MCC: variants seen among roughly 807,000 people sequenced by gnomAD.
The protein encoded by MCC is MCC regulator of Wnt signaling pathway, also known as colorectal mutant cancer protein.
A neutral mutation model predicts 116.2 loss-of-function variants in MCC; 90 were observed. That is an observed-to-expected ratio of 0.77 (90% confidence interval 0.65 to 0.92). The LOEUF (loss-of-function observed/expected upper bound fraction) is 0.92, where lower values mean the gene tolerates loss of function less well. Ranked by LOEUF, MCC falls within the 40% of genes least tolerant of loss-of-function variation. The probability of loss-of-function intolerance (pLI) is 0.00; values close to 1 mark genes in which losing one functional copy is unlikely to be tolerated. For synonymous variants in MCC, 578 were observed against 510.5 expected (o/e 1.13, Z -1.78); for missense variants, 1,516 against 1,312.2 (o/e 1.16, Z -2.40).
chr5:113,045,778 A>C (rs1032413597), intron 16 of MCC, among the ~76,000 whole-genome samples: 1 of 149,084 alleles, frequency 6.7e-6, no homozygotes, highest in African/African-American at 2.5e-5. Context: ...CAGCCTGGGC[A>C]ACAAGAGTGA....
chr5:113,139,476 C>T (rs1363820847), intron 5 of MCC, among the ~76,000 whole-genome samples: 1 of 152,102 alleles, frequency 6.6e-6, no homozygotes, highest in Non-Finnish European at 1.5e-5. Flanking sequence ...TAATCTCACA[C>T]ATGAATTAAT....
chr5:113,024,767 A>G lies in MCC; in HGVS notation c.*2535T>C, dbSNP rs1173133874. On this transcript the variant is annotated 3_prime_UTR_variant, in exon 19 of 19. Coordinates refer to ENST00000408903, the MANE Select transcript of MCC (RefSeq NM_001085377.2). ...TTTAATCAGTATAGTTTAGTTCAGT[A>G]GCTCCCACAATTAGCATAATCAAGT... 3 of 152,038 alleles carry G rather than the reference A, an allele frequency of 2.0e-5. No individual in the cohort carries two copies. Among genetic ancestry groups the G allele is most frequent in the Non-Finnish European group, 4.4e-5 (3 of 68,012 alleles). 9.4% of individuals were successfully genotyped at this position (152,038 alleles called of 1,614,324 possible). A position where few individuals can be genotyped will look rare whatever the true frequency, so the allele number is the denominator to read the frequency against.
intron 6 of MCC, among the ~76,000 whole-genome samples, chr5:113,117,180 C>T (rs1269205601): frequency 1.3e-5 from 2 of 152,184 alleles, no homozygotes; most frequent in Non-Finnish European, 2.9e-5. Context: ...CTTTCCCTGC[C>T]CCGACCCTCT....
At position 113,068,112 on chromosome 5, in the gene MCC, T is replaced by A; in HGVS notation, c.1997A>T (p.Gln666Leu). The change falls in exon 13 of 19, where the codon CAG becomes CTG. Residue 666 changes from glutamine to leucine, a missense_variant. Physicochemically the swap from Gln to Leu is moderately radical, Grantham distance 113 (BLOSUM62 -2). Transcript: ENST00000408903. ...AESEQSLILG[Q>L]FRAAGVGSSP... is the part of the protein sequence containing the mutation. ...GGACCCCACGCCCGCCGCTCGGAACTGCCCCAGGATGAGGCTCTGCTCACT... is the reference window on the plus strand; with the variant it reads ...GGACCCCACGCCCGCCGCTCGGAACAGCCCCAGGATGAGGCTCTGCTCACT... 6.2e-7 allele frequency: 1 copy of A among 1,614,198 alleles called. No individual in the cohort carries two copies. Among genetic ancestry groups the A allele is most frequent in the East Asian group, 2.2e-5 (1 of 44,876 alleles).
At chr5:113,032,408 CAAAA>C (rs376957827) in intron 17 of MCC, among the ~76,000 whole-genome samples, 12 of 63,350 alleles carry the variant, frequency 1.9e-4, no homozygotes, top group East Asian at 4.5e-4. Context: ...AACTCTGTAT[CAAAA>C]AAAAAAAAAA....
rs187240234 is a variant in MCC, at chr5:113,077,176, A to G, written c.1784+5684T>C. On this transcript the variant is annotated intron_variant, in intron 11 of 18. Coordinates refer to ENST00000408903, the MANE Select transcript of MCC (RefSeq NM_001085377.2). ...ATAAAGCAAGTCCTTAGAGACCTAC[A>G]AAGAGACTTAGACTCCCACACAATA... Among the ~76,000 whole-genome samples, 899 of 152,302 alleles carry G rather than the reference A, an allele frequency of 5.9e-3. 11 individuals carry two copies. The highest frequency in any genetic ancestry group is 0.021 in the African/African-American group (870 of 41,558).
At chr5:113,256,992 G>A (rs542587246) in intron 3 of MCC, among the ~76,000 whole-genome samples, 2 of 152,224 alleles carry the variant, frequency 1.3e-5, no homozygotes, top group South Asian at 4.1e-4. Context: ...TCTGGCAGGA[G>A]GTCTGGATGG....
At chr5:113,464,854 T>G (rs958102075) in intron 1 of MCC, among the ~76,000 whole-genome samples, 5 of 151,388 alleles carry the variant, frequency 3.3e-5, no homozygotes, top group African/African-American at 1.2e-4. Context: ...GGGGGAAAAT[T>G]AGAGAAACAA....
At position 113,087,877 on chromosome 5, in the gene MCC, T is replaced by G. The variant is rs561855226; in HGVS notation, c.1399-2567A>C. Among the ~76,000 whole-genome samples the G allele has an allele frequency of 3.3e-5, 5 of 152,318 alleles. 1 individual carries two copies. The South Asian group carries it at 1.0e-3, about 32-fold the overall frequency. ...ACTATCCATGTTTTAAAAACATTTCTTCTTCTAATCACAAAAGTAAAACAT... is the reference window on the plus strand; with the variant it reads ...ACTATCCATGTTTTAAAAACATTTCGTCTTCTAATCACAAAAGTAAAACAT... On this transcript the variant is annotated intron_variant, in intron 8 of 18. Transcript: ENST00000408903.
chr5:113,238,592 C>A (rs1449518914), intron 3 of MCC, among the ~76,000 whole-genome samples: 2 of 152,138 alleles, frequency 1.3e-5, no homozygotes, highest in Non-Finnish European at 2.9e-5. Context: ...TGGTTGTATA[C>A]AATTCAAAAA....
intron 3 of MCC, among the ~76,000 whole-genome samples, chr5:113,319,044 C>T (rs1767356563): frequency 6.6e-6 from 1 of 151,988 alleles, no homozygotes; most frequent in Non-Finnish European, 1.5e-5. Context: ...ATTTCTTATA[C>T]ATTTTATAGA....
chr5:113,480,710 T>C (rs1028505290), intron 1 of MCC, among the ~76,000 whole-genome samples: 5 of 152,228 alleles, frequency 3.3e-5, no homozygotes, highest in African/African-American at 1.2e-4. Flanking sequence ...CAGAGGTTGA[T>C]GTGAAACACA....
intron 1 of MCC, among the ~76,000 whole-genome samples, chr5:113,484,614 G>A (rs1276742283): frequency 2.6e-5 from 4 of 152,144 alleles, no homozygotes; most frequent in South Asian, 2.1e-4. Flanking sequence ...GGACAATAAC[G>A]GCAGGATAAA....
intron 1 of MCC, among the ~76,000 whole-genome samples, chr5:113,481,669 G>C (rs908884069): frequency 1.3e-5 from 2 of 152,138 alleles, no homozygotes; most frequent in Non-Finnish European, 2.9e-5. Flanking sequence ...AACCCGGGAG[G>C]CGGAGATTGC....
At chr5:113,114,047 G>A (rs36041392) in intron 6 of MCC, among the ~76,000 whole-genome samples, 66,780 of 145,070 alleles carry the variant, frequency 0.46, 17,011 homozygotes, top group East Asian at 0.72. Context: ...ATGCCTTTAG[G>A]GGGTGAAGCA....
intron 1 of MCC, among the ~76,000 whole-genome samples, chr5:113,484,987 A>C (rs1255032151): frequency 6.6e-6 from 1 of 152,138 alleles, no homozygotes; most frequent in Non-Finnish European, 1.5e-5. Flanking sequence ...CGCAGTTTGG[A>C]GCTACTTGAT....
At chr5:113,040,489 C>T (rs4519915) in intron 17 of MCC, among the ~76,000 whole-genome samples, 148,897 of 152,250 alleles carry the variant, frequency 0.98, 72,819 homozygotes, top group East Asian at 1. Flanking sequence ...GGGAGAAATA[C>T]TGCTGAAAAT....
At chr5:113,054,711 T>C (rs148387612) in intron 14 of MCC, among the ~76,000 whole-genome samples, 49 of 152,206 alleles carry the variant, frequency 3.2e-4, no homozygotes, top group Admixed American at 7.2e-4. Flanking sequence ...GTGTTCACTA[T>C]AGGGACTCGG....
intron 3 of MCC, among the ~76,000 whole-genome samples, chr5:113,247,055 A>C (rs1352469588): frequency 1.3e-5 from 2 of 152,212 alleles, no homozygotes; most frequent in Non-Finnish European, 2.9e-5. Context: ...CTTTGTCCTC[A>C]AATGGTTTAT....
Sources: gnomAD v4.1 joint callset for allele counts (sites outside exome capture counted in the v4.1 genomes callset) on GRCh38, gnomAD v4.1.1 for gene constraint, MANE v1.5 for transcripts, NCBI Gene and HGNC (gene_info 2026-07-23, HGNC 2026-07-21) for gene names.